Variants in RUSC2 observed in about 807,000 individuals in gnomAD.
RUSC2 encodes the protein RUN and SH3 domain containing 2.
RUSC2 carries 34 observed loss-of-function variants against 122.2 expected under a neutral mutation model. That is an observed-to-expected ratio of 0.28 (90% CI 0.21 to 0.37). RUSC2 has a LOEUF of 0.37. RUSC2 is among the 10% of genes least tolerant of loss of function. The pLI is 1.00. For missense variants in RUSC2, 1,747 were observed against 1,952.4 expected (o/e 0.89, Z 1.98); for synonymous variants, 784 against 790.0 (o/e 0.99, Z 0.13).
In RUSC2 at chr9:35,546,230, C is replaced by T. The variant is rs1821742043; in HGVS notation, c.-92-200C>T. Among the ~76,000 whole-genome samples the T allele has an allele frequency of 6.6e-6, 1 of 152,178 alleles. No individual in the cohort carries two copies. The highest frequency in any genetic ancestry group is 2.4e-5 in the African/African-American group (1 of 41,440). The stretch of plus-strand genomic sequence containing the variant: ...ATAGTGACCTTAAAATTAAGGGGGA[C>T]CTCAGGTGCTGCACCTGTGCAATGC... On this transcript the variant is annotated intron_variant, in intron 1 of 11. Coordinates refer to ENST00000361226, the MANE Select transcript of RUSC2 (RefSeq NM_014806.5). This position sits in a 1 kb window ranked among gnomAD's most constrained non-coding sequence, Gnocchi z 4.3.
intron 1 of RUSC2, among the ~76,000 whole-genome samples, chr9:35,523,096 T>C (rs1398604465): frequency 6.6e-6 from 1 of 152,246 alleles, no homozygotes; most frequent in Non-Finnish European, 1.5e-5. Flanking sequence ...GTCTTGATTG[T>C]GGGAAATGCA....
intron 1 of RUSC2, among the ~76,000 whole-genome samples, chr9:35,530,190 A>G (rs1003897845): frequency 4.6e-5 from 7 of 152,154 alleles, no homozygotes; most frequent in African/African-American, 1.7e-4. Context: ...AGCTCAAGCA[A>G]TCCGTCCACC....
chr9:35,547,918 A>AAGC lies in RUSC2; in HGVS notation c.1404_1406dup (p.Ala470dup). 1 of 1,614,160 alleles carries AAGC rather than the reference A, an allele frequency of 6.2e-7. No homozygotes were observed. On this transcript the variant is annotated inframe_insertion, in exon 2 of 12. Transcript: ENST00000361226. This position sits in a 1 kb window ranked among gnomAD's most constrained non-coding sequence, Gnocchi z 4.6. ...CAAGAAGCAGTGAGTTCCTCCACCC[A>AAGC]AGCAGCAGCTGCTGTGGGCCCCACT...
intron 1 of RUSC2, among the ~76,000 whole-genome samples, chr9:35,535,258 G>A (rs112995206): frequency 9.8e-4 from 149 of 151,964 alleles, no homozygotes; most frequent in African/African-American, 2.9e-3. Context: ...TGGGGTTACA[G>A]GTGCCCACCA....
intron 1 of RUSC2, among the ~76,000 whole-genome samples, chr9:35,512,411 C>T (rs1821026657): frequency 6.6e-6 from 1 of 152,084 alleles, no homozygotes; most frequent in Non-Finnish European, 1.5e-5. Flanking sequence ...CCTATGCATG[C>T]CTGTAGCTTT....
At chr9:35,531,119 G>A (rs1821410448) in intron 1 of RUSC2, among the ~76,000 whole-genome samples, 2 of 152,058 alleles carry the variant, frequency 1.3e-5, no homozygotes. Context: ...AAATTAGCCG[G>A]GCTTGGTGTC....
rs565870013 is a variant in RUSC2 at position 35,561,495 on chromosome 9, C to T, written c.*113C>T. 89 of 842,234 alleles carry T rather than the reference C, an allele frequency of 1.1e-4. No homozygotes were observed. The highest frequency in any genetic ancestry group is 1.4e-4 in the Non-Finnish European group (77 of 535,724). 52.2% of individuals were successfully genotyped at this position (842,234 alleles called of 1,614,324 possible). ...CAGAGTAGACTGAGAGCTGGGGCCA[C>T]GTATCCCTGTGCTGGCACCTGCTCC... On this transcript the variant is annotated 3_prime_UTR_variant, in exon 12 of 12. Transcript: ENST00000361226.
intron 1 of RUSC2, among the ~76,000 whole-genome samples, chr9:35,516,986 T>C (rs1821121535): frequency 6.6e-6 from 1 of 152,220 alleles, no homozygotes; most frequent in South Asian, 2.1e-4. Context: ...CCACATGATA[T>C]TCATAAATCA....
At chr9:35,495,497 C>T (rs950465719) in intron 1 of RUSC2, among the ~76,000 whole-genome samples, 1 of 151,552 alleles carries the variant, frequency 6.6e-6, no homozygotes, top group African/African-American at 2.4e-5. Context: ...GGGTTTATTT[C>T]TGGGCTCTCT....
At position 35,548,247 on chromosome 9, in the gene RUSC2, A is replaced by G. The variant is rs1821811596; in HGVS notation, c.1726A>G (p.Ile576Val). The change falls in exon 2 of 12, where the codon ATC becomes GTC. Residue 576 changes from isoleucine (I) to valine (V), a missense_variant. Transcript: ENST00000361226. The surrounding 1 kb of genome is among the most constrained non-coding windows in gnomAD (Gnocchi z 4.5). ...GGACTCCTCCCAGGAGTTCTCACCC[A>G]TCCAAGAAGCCCAGCAAGATCGGGG... The part of the protein sequence containing the change: ...VGDSSQEFSP[I>V]QEAQQDRGAP... 1 of 1,613,648 alleles carries G rather than the reference A, an allele frequency of 6.2e-7. No homozygotes were observed. The highest frequency in any genetic ancestry group is 8.5e-7 in the Non-Finnish European group (1 of 1,179,984).
chr9:35,509,770 C>CTG (rs1820980493), intron 1 of RUSC2, among the ~76,000 whole-genome samples: 1 of 152,122 alleles, frequency 6.6e-6, no homozygotes, highest in Non-Finnish European at 1.5e-5. Flanking sequence ...TTATAGTTGT[C>CTG]ATTTATTGAG....
chr9:35,550,527 G>A (rs1050353980), intron 2 of RUSC2, among the ~76,000 whole-genome samples: 6 of 151,638 alleles, frequency 4.0e-5, no homozygotes, highest in Non-Finnish European at 5.9e-5. Context: ...ATGGAAGGCC[G>A]AGGCAGGAGA....
At chr9:35,502,059 C>T (rs570505550) in intron 1 of RUSC2, among the ~76,000 whole-genome samples, 4 of 152,218 alleles carry the variant, frequency 2.6e-5, no homozygotes, top group Non-Finnish European at 4.4e-5. Flanking sequence ...TACTTCTACA[C>T]ATGTGCTTCT....
intron 1 of RUSC2, among the ~76,000 whole-genome samples, chr9:35,502,488 C>A (rs1354720430): frequency 6.6e-6 from 1 of 152,264 alleles, no homozygotes; most frequent in South Asian, 2.1e-4. Context: ...CAGACTTTAA[C>A]CTCGAAAATC....
At chr9:35,559,968 G>A in intron 9 of RUSC2, 61 bp from the exon 10 acceptor site, 4 of 1,417,084 alleles carry the variant, frequency 2.8e-6, no homozygotes, top group Non-Finnish European at 3.9e-6. Context: ...GTCTTTCAAA[G>A]TCCCACTTGG....
At position 35,525,221 on chromosome 9, in the gene RUSC2, G is replaced by T. The variant is rs1044983499; in HGVS notation, c.-92-21209G>T. ...TAGGGTGGGATAAATAAGTCTGGCT[G>T]TTGGTATTATCCTGAAATAGAAGGA... is the stretch of plus-strand genomic sequence containing the variant. On this transcript the variant is annotated intron_variant, in intron 1 of 11. Coordinates refer to ENST00000361226, the MANE Select transcript of RUSC2 (RefSeq NM_014806.5). 4.6e-5 allele frequency among the ~76,000 whole-genome samples: 7 copies of T among 152,204 alleles called. No homozygotes were observed. The South Asian group carries it at 1.5e-3, about 32-fold the overall frequency.
rs112837462 is a variant in RUSC2, at chr9:35,533,000, C to T, written c.-92-13430C>T. On this transcript the variant is annotated intron_variant, in intron 1 of 11. Coordinates refer to ENST00000361226, the MANE Select transcript of RUSC2 (RefSeq NM_014806.5). ...GTGGCTCACGCCTGTAATCCTAGCA[C>T]TTTGGGAGGCCTAGGCGAGCAGATC... Among the ~76,000 whole-genome samples the T allele has an allele frequency of 7.4e-4, 112 of 152,092 alleles. 2 individuals carry two copies. The highest frequency in any genetic ancestry group is 2.6e-3 in the African/African-American group (106 of 41,502).
chr9:35,545,935 C>T lies in RUSC2; in HGVS notation c.-92-495C>T, dbSNP rs1160156181. Among the ~76,000 whole-genome samples, 3 of 152,300 alleles carry T rather than the reference C, an allele frequency of 2.0e-5. No individual in the cohort carries two copies. The East Asian group carries it at 5.8e-4, about 29-fold the overall frequency. On this transcript the variant is annotated intron_variant, in intron 1 of 11. Transcript: ENST00000361226. ...AGATGATACCGTATATTTTAAAATG[C>T]TTCTTGCAAAATTATAGCTTATTGC... is the stretch of plus-strand genomic sequence containing the variant.
chr9:35,559,381 C>T lies in RUSC2; in HGVS notation c.3388+109C>T, dbSNP rs1822092997. On this transcript the variant is annotated intron_variant, in intron 9 of 11. Coordinates refer to ENST00000361226, the MANE Select transcript of RUSC2 (RefSeq NM_014806.5). ...GCTGGAGGTGGGGAGGGGGACCACA[C>T]AAGCGTTCATCCTCAGAGCCTCAGG... 4.3e-6 allele frequency: 4 copies of T among 928,222 alleles called. No individual in the cohort carries two copies. The African/African-American group carries it at 6.4e-5, about 15-fold the overall frequency. The allele number at this position is 928,222 out of a possible 1,614,324, so 57.5% of individuals were successfully genotyped here.
Sources: gnomAD v4.1 joint callset for allele counts (sites outside exome capture counted in the v4.1 genomes callset) on GRCh38, gnomAD v4.1.1 for gene constraint, Gnocchi (gnomAD v3.1) non-coding constraint, MANE v1.5 for transcripts, NCBI Gene and HGNC (gene_info 2026-07-23, HGNC 2026-07-21) for gene names.